SHPRH: variants seen among roughly 807,000 people sequenced by gnomAD.
SHPRH encodes SNF2 histone linker PHD RING helicase.
A neutral mutation model predicts 202.5 loss-of-function variants in SHPRH; 106 were observed. That is an observed-to-expected ratio of 0.52 (90% confidence interval 0.45 to 0.62). SHPRH has a LOEUF of 0.62. SHPRH is among the 20% of genes least tolerant of loss of function. The pLI, the probability that SHPRH is intolerant of heterozygous loss-of-function variation, is 0.00. For synonymous variants in SHPRH, 729 were observed against 686.0 expected (o/e 1.06, Z -0.98); for missense variants, 1,710 against 2,020.0 (o/e 0.85, Z 2.94).
intron 18 of SHPRH, 122 bp downstream of exon 18, chr6:145,923,521 C>T (rs914021592): frequency 8.3e-7 from 1 of 1,202,738 alleles, no homozygotes; most frequent in Admixed American, 2.6e-5. Context: ...ATGAATGTGT[C>T]TGTATAGGTT....
At chr6:145,868,732 C>T (rs1376307891) in intron 2 of SHPRH, among the ~76,000 whole-genome samples, 2 of 152,120 alleles carry the variant, frequency 1.3e-5, no homozygotes, top group African/African-American at 4.8e-5. Flanking sequence ...GGATGTACAG[C>T]CTCAGCCGTC....
intron 25 of SHPRH, among the ~76,000 whole-genome samples, chr6:145,897,205 G>T (rs934872884): frequency 2.0e-5 from 3 of 151,666 alleles, no homozygotes; most frequent in African/African-American, 7.3e-5. Flanking sequence ...AATGAAAGTA[G>T]AGACATTAAA....
chr6:145,944,819 AGAT>A (rs1310756233), intron 8 of SHPRH, among the ~76,000 whole-genome samples: 1 of 152,148 alleles, frequency 6.6e-6, no homozygotes, highest in Non-Finnish European at 1.5e-5. Flanking sequence ...AAATTGTATA[AGAT>A]AATAATATAA....
intron 4 of SHPRH, 114 bp downstream of exon 4, chr6:145,950,150 T>C (rs1347055567): frequency 6.4e-6 from 5 of 775,934 alleles, no homozygotes; most frequent in Middle Eastern, 2.9e-4. Flanking sequence ...ATGGCACCCA[T>C]TCTATCTTAT....
chr6:145,886,687 T>G lies in SHPRH; in HGVS notation c.*4A>C, dbSNP rs188042944. On this transcript the variant is annotated 3_prime_UTR_variant, in exon 30 of 30. Coordinates refer to ENST00000275233, the MANE Select transcript of SHPRH (RefSeq NM_001042683.3). The stretch of plus-strand genomic sequence containing the variant: ...TAAAGTCCATGGAATGAATCAAGTG[T>G]AGTTCATTCAAGCTCTTCAGTTTCT... 9.3e-6 allele frequency: 15 copies of G among 1,613,030 alleles called. No homozygotes were observed. In the Admixed American group the frequency reaches 2.5e-4, roughly 27 times the overall value.
chr6:145,947,669 C>T (rs767565165), intron 5 of SHPRH, 26 bp from the exon 6 acceptor site: 10 of 1,609,434 alleles, frequency 6.2e-6, no homozygotes, highest in Admixed American at 3.4e-5. Flanking sequence ...AGATAAATCA[C>T]ATCATAGGAA....
At chr6:145,880,929 G>GT (rs1418573146), downstream of SHPRH, among the ~76,000 whole-genome samples, 2 of 152,054 alleles carry the variant, frequency 1.3e-5, no homozygotes, top group African/African-American at 4.8e-5. Flanking sequence ...TCTCACATTC[G>GT]TAAGAGCAAC....
At chr6:145,933,250 C>A in intron 13 of SHPRH, 72 bp from the exon 14 acceptor site, 1 of 1,606,842 alleles carries the variant, frequency 6.2e-7, no homozygotes, top group Non-Finnish European at 8.5e-7. Flanking sequence ...AGTGTTATAT[C>A]TCACATGATC....
chr6:145,863,145 A>C (rs1779638350), downstream of SHPRH, among the ~76,000 whole-genome samples: 1 of 152,228 alleles, frequency 6.6e-6, no homozygotes, highest in Admixed American at 6.5e-5. Context: ...TGAAAGAGGC[A>C]GCTATGCAAA....
chr6:145,924,903 T>C, intron 16 of SHPRH, 57 bp from the exon 17 acceptor site: 4 of 1,412,934 alleles, frequency 2.8e-6, no homozygotes, highest in South Asian at 2.4e-5. Flanking sequence ...TAATTCAGTA[T>C]GATGTTTCAA....
At chr6:145,932,043 T>A (rs1347578742) in intron 14 of SHPRH, among the ~76,000 whole-genome samples, 4 of 149,628 alleles carry the variant, frequency 2.7e-5, no homozygotes, top group African/African-American at 1.0e-4. Flanking sequence ...TTGACTTTAT[T>A]GATTTTTTTC....
intron 9 of SHPRH, among the ~76,000 whole-genome samples, chr6:145,942,155 G>A (rs1389422437): frequency 1.3e-5 from 2 of 152,180 alleles, no homozygotes; most frequent in African/African-American, 2.4e-5. Flanking sequence ...GTTAAAACCT[G>A]AGGTATATCT....
intron 25 of SHPRH, among the ~76,000 whole-genome samples, chr6:145,900,616 C>T (rs1201188345): frequency 6.6e-6 from 1 of 151,894 alleles, no homozygotes; most frequent in Non-Finnish European, 1.5e-5. Context: ...TATTGTATAC[C>T]ATTGTCCCTT....
chr6:145,883,196 A>G (rs954146353), downstream of SHPRH: 1 of 152,218 alleles, frequency 6.6e-6, no homozygotes, highest in East Asian at 1.9e-4. Context: ...TTTAATTTCT[A>G]TTTTGCAGGA....
Position 145,910,575 on chromosome 6 carries a change from T to A in SHPRH, c.4388A>T (p.Gln1463Leu). 6.2e-7 allele frequency: 1 copy of A among 1,612,900 alleles called. No homozygotes were observed. Among genetic ancestry groups the A allele is most frequent in the Non-Finnish European group, 8.5e-7 (1 of 1,179,532 alleles). The change falls in exon 25 of 30, where the codon CAA (glutamine) becomes CTA (leucine). Residue 1463 changes from glutamine to leucine, a missense_variant. Coordinates refer to ENST00000275233, the MANE Select transcript of SHPRH (RefSeq NM_001042683.3). Reference protein sequence around the residue: ...CNECISIIIEQYSVGSHRSSI... With the variant: ...CNECISIIIELYSVGSHRSSI... The stretch of plus-strand genomic sequence containing the variant: ...GCTTCTGTGAGATCCCACGCTGTAT[T>A]GTTCAATAATTATAGAAATGCATTC...
At chr6:145,909,569 T>G (rs2128734875) in intron 25 of SHPRH, 2 of 152,284 alleles carry the variant, frequency 1.3e-5, no homozygotes, top group African/African-American at 4.8e-5. Context: ...GTAGTGAATT[T>G]CAACTTGTAG....
intron 2 of SHPRH, among the ~76,000 whole-genome samples, chr6:145,867,544 T>C (rs1040124703): frequency 3.5e-5 from 5 of 144,826 alleles, no homozygotes; most frequent in East Asian, 2.1e-4. Flanking sequence ...TGGGCTGTGA[T>C]TGCACTGCTG....
chr6:145,942,305 C>CA (rs1466094645), intron 9 of SHPRH, among the ~76,000 whole-genome samples: 2 of 152,150 alleles, frequency 1.3e-5, no homozygotes, highest in African/African-American at 4.8e-5. Context: ...TTTTATGTTT[C>CA]AGATACTGTG....
intron 28 of SHPRH, 79 bp from the exon 29 acceptor site, chr6:145,888,179 T>C: frequency 9.7e-7 from 1 of 1,026,902 alleles, no homozygotes; most frequent in Non-Finnish European, 1.5e-6. Context: ...TTTTATATGC[T>C]ATATTCATCA....
Sources: gnomAD v4.1 joint callset for allele counts (sites outside exome capture counted in the v4.1 genomes callset) on GRCh38, gnomAD v4.1.1 for gene constraint, MANE v1.5 for transcripts, NCBI Gene and HGNC (gene_info 2026-07-23, HGNC 2026-07-21) for gene names.